Variants in FAM120B observed in about 807,000 individuals in gnomAD.
FAM120B encodes family with sequence similarity 120 member B.
Under a neutral mutation model 96.3 loss-of-function variants are expected in FAM120B, and 83 were observed. The observed-to-expected ratio is 0.86, with a 90% CI of 0.72 to 1.03. The LOEUF (loss-of-function observed/expected upper bound fraction) is 1.03, where lower values mean the gene tolerates loss of function less well. Ranked by LOEUF, FAM120B falls within the 50% of genes least tolerant of loss-of-function variation. FAM120B has a pLI of 0.00. For missense variants in FAM120B, 1,027 were observed against 1,121.2 expected (o/e 0.92, Z 1.20); for synonymous variants, 407 against 402.7 (o/e 1.01, Z -0.13).
intron 1 of FAM120B, among the ~76,000 whole-genome samples, chr6:170,300,893 A>AC (rs1338511463): frequency 8.6e-5 from 13 of 151,940 alleles, no homozygotes; most frequent in African/African-American, 2.9e-4. Flanking sequence ...TTGCAGGGTA[A>AC]ACCCCCCCCT....
chr6:170,382,234 A>G (rs1789949725), intron 6 of FAM120B, among the ~76,000 whole-genome samples: 1 of 152,140 alleles, frequency 6.6e-6, no homozygotes. Flanking sequence ...CAGCCTGCGC[A>G]ACATAGTAAG....
At position 170,358,303 on chromosome 6, in the gene FAM120B, G is replaced by A. The variant is rs779406915; in HGVS notation, c.2268G>A (p.Gln756=). 6 of 1,605,124 alleles carry A rather than the reference G, an allele frequency of 3.7e-6. No homozygotes were observed. In the Admixed American group the frequency reaches 8.4e-5, roughly 22 times the overall value. Residue 756 remains glutamine, a synonymous_variant, in exon 6 of 11, where the codon CAG becomes CAA. Transcript: ENST00000476287. ...GCCTCCAAGGAAAATCCACCTCGCAGCTTGTAAATCTACAGGTACAGACGT... is the reference window on the plus strand; with the variant it reads ...GCCTCCAAGGAAAATCCACCTCGCAACTTGTAAATCTACAGGTACAGACGT... ...ALCLQGKSTS[Q]LVNLQPDYIN...
intron 7 of FAM120B, among the ~76,000 whole-genome samples, chr6:170,389,471 A>C (rs1408263081): frequency 2.6e-5 from 4 of 151,990 alleles, no homozygotes; most frequent in Non-Finnish European, 5.9e-5. Context: ...GCAGTATCAC[A>C]CCCAGTCTGA....
At chr6:170,312,994 G>T (rs1784679584) in intron 1 of FAM120B, among the ~76,000 whole-genome samples, 1 of 152,180 alleles carries the variant, frequency 6.6e-6, no homozygotes, top group South Asian at 2.1e-4. Context: ...ATTGAGGCCT[G>T]GTAGAGAGGA....
chr6:170,296,480 C>T (rs1307929066), intron 1 of FAM120B, among the ~76,000 whole-genome samples: 4 of 151,832 alleles, frequency 2.6e-5, no homozygotes, highest in Admixed American at 6.6e-5. Context: ...CCCGGTGGAC[C>T]CCAGTCGCCG....
At position 170,318,747 on chromosome 6, in the gene FAM120B, A is replaced by G. The variant is rs887776669; in HGVS notation, c.1357A>G (p.Thr453Ala). The part of the protein sequence containing the change: ...SEPRQEVPMY[T>A]GSEPRQEVPM... ...ACCCAGGCAAGAAGTTCCCATGTAT[A>G]CAGGCTCTGAACCCAGGCAAGAAGT... The change falls in exon 2 of 11, where the codon ACA becomes GCA. Residue 453 changes from threonine (T) to alanine (A), a missense_variant. Physicochemically the swap from Thr to Ala is moderately conservative, Grantham distance 58 (BLOSUM62 0). Transcript: ENST00000476287. The G allele has an allele frequency of 1.2e-6, 2 of 1,606,052 alleles. No individual in the cohort carries two copies. Among genetic ancestry groups the G allele is most frequent in the Admixed American group, 1.7e-5 (1 of 59,394 alleles).
chr6:170,357,959 T>C (rs1284341147), intron 5 of FAM120B, among the ~76,000 whole-genome samples: 1 of 152,224 alleles, frequency 6.6e-6, no homozygotes, highest in Non-Finnish European at 1.5e-5. Flanking sequence ...TGCATGTGCC[T>C]GTTTGTGCAC....
At chr6:170,378,861 G>T (rs1047764268) in intron 6 of FAM120B, among the ~76,000 whole-genome samples, 3 of 152,234 alleles carry the variant, frequency 2.0e-5, no homozygotes, top group Admixed American at 2.0e-4. Flanking sequence ...TTTGAGCTAA[G>T]ACTTGAAAAA....
chr6:170,308,156 C>T (rs773095489), intron 1 of FAM120B, among the ~76,000 whole-genome samples: 1 of 152,134 alleles, frequency 6.6e-6, no homozygotes, highest in Non-Finnish European at 1.5e-5. Flanking sequence ...GTTCTGATAC[C>T]TTCTTCATCC....
chr6:170,345,796 G>A (rs1268281588), intron 4 of FAM120B, among the ~76,000 whole-genome samples: 1 of 152,234 alleles, frequency 6.6e-6, no homozygotes, highest in Admixed American at 6.5e-5. Flanking sequence ...GAGATCACAA[G>A]TTCCTAGTTA....
chr6:170,348,246 T>G lies in FAM120B; in HGVS notation c.2113T>G (p.Ser705Ala). The G allele has an allele frequency of 6.2e-7, 1 of 1,614,072 alleles. No homozygotes were observed. Among genetic ancestry groups the G allele is most frequent in the African/African-American group, 1.3e-5 (1 of 75,036 alleles). Residue 705 changes from serine to alanine, a missense_variant, in exon 5 of 11, where the codon TCC becomes GCC. This residue lies in a region of FAM120B where 880 missense variants were observed against 980.9 expected (regional missense o/e 0.90). Transcript: ENST00000476287. ...ACTCCTAGCCTGTTTCAATCTTTCC[T>G]CCTCAAGAGAAGAGCTGCAGGCTGT... is the stretch of plus-strand genomic sequence containing the variant. The part of the protein sequence containing the change: ...DTLLACFNLS[S>A]SREELQAVES...
rs777030714 is a variant in FAM120B at position 170,318,664 on chromosome 6, T to A, written c.1274T>A (p.Val425Asp). Reference protein sequence around the residue: ...MCTGPEARQEVPMYTDSEPRQ... With the variant: ...MCTGPEARQEDPMYTDSEPRQ... ...ACAGGCCCTGAAGCCAGGCAAGAAG[T>A]TCCCATGTATACAGACTCTGAACCC... The change falls in exon 2 of 11, where the codon GTT (valine) becomes GAT (aspartate). Residue 425 changes from valine to aspartate, a missense_variant. Val to Asp is a radical substitution (Grantham distance 152, BLOSUM62 -3). This residue lies in a region of FAM120B where 880 missense variants were observed against 980.9 expected (regional missense o/e 0.90). Coordinates refer to ENST00000476287, the MANE Select transcript of FAM120B (RefSeq NM_032448.3). 4.4e-6 allele frequency: 7 copies of A among 1,589,668 alleles called. No individual in the cohort carries two copies. Among genetic ancestry groups the A allele is most frequent in the Middle Eastern group, 1.7e-4 (1 of 5,974 alleles).
At chr6:170,374,004 T>A (rs1422530205) in intron 6 of FAM120B, among the ~76,000 whole-genome samples, 1 of 152,168 alleles carries the variant, frequency 6.6e-6, no homozygotes, top group Non-Finnish European at 1.5e-5. Context: ...ACGGTGCTGC[T>A]GGCATGCCAG....
chr6:170,387,457 CAT>C (rs1157192431), intron 6 of FAM120B, among the ~76,000 whole-genome samples: 24 of 152,210 alleles, frequency 1.6e-4, no homozygotes, highest in East Asian at 7.7e-4. Flanking sequence ...TTTACGGACT[CAT>C]GTGGACACTC....
intron 9 of FAM120B, 165 bp from the exon 10 acceptor site, chr6:170,404,379 ATTATGG>A (rs1458019052): frequency 2.4e-5 from 13 of 538,252 alleles, no homozygotes; most frequent in Admixed American, 3.5e-5. Context: ...TAATGGAATA[ATTATGG>A]AACACAGTTT....
chr6:170,402,655 G>T (rs1369980277), intron 9 of FAM120B, among the ~76,000 whole-genome samples: 1 of 152,240 alleles, frequency 6.6e-6, no homozygotes. Flanking sequence ...AAAAGGAGGA[G>T]ACAGTTGGGC....
chr6:170,349,896 C>G (rs1262717731), intron 5 of FAM120B, among the ~76,000 whole-genome samples: 1 of 152,110 alleles, frequency 6.6e-6, no homozygotes, highest in Admixed American at 6.5e-5. Flanking sequence ...AGTGCCCCAC[C>G]TGGGAACAGT....
At chr6:170,308,899 T>A (rs151262378) in intron 1 of FAM120B, among the ~76,000 whole-genome samples, 3 of 152,366 alleles carry the variant, frequency 2.0e-5, no homozygotes, top group Admixed American at 2.0e-4. Context: ...AGCTCTAGTG[T>A]CAGGAGGGAG....
intron 9 of FAM120B, among the ~76,000 whole-genome samples, chr6:170,397,968 G>C (rs1179170349): frequency 1.6e-5 from 2 of 123,202 alleles, no homozygotes; most frequent in South Asian, 2.6e-4. Context: ...GAGACCTTCT[G>C]CTTACCCTCT....
Sources: allele counts gnomAD v4.1 joint callset (sites outside exome capture counted in the v4.1 genomes callset), GRCh38; gene constraint gnomAD v4.1.1; regional missense constraint gnomAD v4.1.1; transcripts MANE v1.5; gene names NCBI Gene and HGNC (gene_info 2026-07-23, HGNC 2026-07-21).